AQR: variants seen among roughly 807,000 people sequenced by gnomAD.
The protein encoded by AQR is RNA helicase aquarius.
AQR carries 61 observed loss-of-function variants against 180.5 expected under a neutral mutation model. That is an observed-to-expected ratio of 0.34 (90% CI 0.28 to 0.42). The LOEUF is 0.42. Ranked by LOEUF, AQR falls within the 10% of genes least tolerant of loss-of-function variation. AQR has a pLI of 1.00. For missense variants in AQR, 1,281 were observed against 1,798.3 expected, an observed-to-expected ratio of 0.71 and a Z score of 5.20; for synonymous variants, 551 against 588.8, an observed-to-expected ratio of 0.94 and a Z score of 0.93.
At position 34,895,209 on chromosome 15, in the gene AQR, TATATATATATATGA is replaced by T. The variant is rs1411491999; in HGVS notation, c.2461-1450_2461-1437del. On this transcript the variant is annotated intron_variant, in intron 22 of 34. Coordinates refer to ENST00000156471, the MANE Select transcript of AQR (RefSeq NM_014691.3). ...AAAAATATATATATATATATATATA[TATATATATATATGA>T]AACAAATAAAAACATAATACTCAAA... Among the ~76,000 whole-genome samples the T allele has an allele frequency of 6.4e-3, 474 of 73,674 alleles. 11 individuals carry two copies. The highest frequency in any genetic ancestry group is 0.023 in the African/African-American group (454 of 19,770). The allele number at this position is 73,674 out of a possible 152,430, so 48.3% of individuals were successfully genotyped here. A position where few individuals can be genotyped will look rare whatever the true frequency, so the allele number is the denominator to read the frequency against.
chr15:34,934,027 G>T (rs934302691), intron 10 of AQR, among the ~76,000 whole-genome samples: 1 of 151,980 alleles, frequency 6.6e-6, no homozygotes, highest in Non-Finnish European at 1.5e-5. Context: ...GGTCTGAGGT[G>T]GATCAGGAGG....
chr15:34,890,364 G>T, intron 23 of AQR, 40 bp from the exon 24 acceptor site: 2 of 1,537,804 alleles, frequency 1.3e-6, no homozygotes, highest in African/African-American at 2.8e-5. Context: ...ACCTTTAAAC[G>T]TAGCAAAAAC....
At chr15:34,884,305 C>G (rs1229109421) in intron 26 of AQR, among the ~76,000 whole-genome samples, 1 of 151,894 alleles carries the variant, frequency 6.6e-6, no homozygotes, top group Admixed American at 6.6e-5. Flanking sequence ...TGCTCGGAAG[C>G]TGAGGCAGGA....
In AQR at chr15:34,948,270, T is replaced by C. The variant is rs757193361; in HGVS notation, c.324A>G (p.Ala108=). Residue 108 remains alanine, a synonymous_variant, in exon 5 of 35, where the codon GCA becomes GCG. Transcript: ENST00000156471. Reference sequence around the variant, plus strand: ...AGTACTTTAAATCAGTTACCTCCCATGCAGGCACGTTTTCTCTAAACTTCT... The same window carrying C: ...AGTACTTTAAATCAGTTACCTCCCACGCAGGCACGTTTTCTCTAAACTTCT... ...VNEKFRENVP[A]WEIFKKKPDH... The C allele has an allele frequency of 5.2e-5, 84 of 1,613,588 alleles. No homozygotes were observed. The highest frequency in any genetic ancestry group is 6.9e-5 in the Non-Finnish European group (81 of 1,179,946).
intron 9 of AQR, among the ~76,000 whole-genome samples, chr15:34,935,107 TAGAG>T (rs770500703): frequency 6.6e-6 from 1 of 152,102 alleles, no homozygotes; most frequent in African/African-American, 2.4e-5. Flanking sequence ...CACTGAAAAT[TAGAG>T]AGGTAATTTT....
At chr15:34,920,515 A>T (rs1893667752) in intron 13 of AQR, 81 bp from the exon 14 acceptor site, 1 of 1,044,996 alleles carries the variant, frequency 9.6e-7, no homozygotes, top group Non-Finnish European at 1.4e-6. Flanking sequence ...CAAATAGCTT[A>T]AAAAAGCAAA....
At chr15:34,968,387 G>A (rs1032704967) in intron 1 of AQR, among the ~76,000 whole-genome samples, 6 of 150,614 alleles carry the variant, frequency 4.0e-5, no homozygotes, top group Non-Finnish European at 8.9e-5. Context: ...CGAGTAGCTG[G>A]GACCAAAGGC....
chr15:34,873,460 T>C (rs1892850788), intron 30 of AQR, among the ~76,000 whole-genome samples: 2 of 151,956 alleles, frequency 1.3e-5, no homozygotes, highest in Non-Finnish European at 2.9e-5. Context: ...AATTTATGAG[T>C]TCTATAAATA....
intron 22 of AQR, among the ~76,000 whole-genome samples, chr15:34,894,750 A>G (rs1224373142): frequency 1.3e-5 from 2 of 152,196 alleles, no homozygotes; most frequent in African/African-American, 4.8e-5. Context: ...TATGGGAGTA[A>G]GTATTTGCCA....
chr15:34,957,711 TA>T (rs1161297507), intron 3 of AQR, among the ~76,000 whole-genome samples: 3 of 60,812 alleles, frequency 4.9e-5, no homozygotes, highest in African/African-American at 1.2e-4. Context: ...CAAAAAAACA[TA>T]AAAAAAACAT....
chr15:34,875,883 C>T, intron 28 of AQR, 52 bp downstream of exon 28: 3 of 1,412,602 alleles, frequency 2.1e-6, no homozygotes, highest in Non-Finnish European at 3.0e-6. Flanking sequence ...TGATGCTGTC[C>T]TCAGCATTCT....
At chr15:34,957,719 ACATAAAAATAAT>A (rs1186393434) in intron 3 of AQR, among the ~76,000 whole-genome samples, 1 of 83,266 alleles carries the variant, frequency 1.2e-5, no homozygotes, top group East Asian at 3.5e-4. Context: ...CATAAAAAAA[ACATAAAAATAAT>A]AATAATAATA....
chr15:34,864,206 A>C (rs1250832853), intron 32 of AQR, among the ~76,000 whole-genome samples: 1 of 152,092 alleles, frequency 6.6e-6, no homozygotes, highest in African/African-American at 2.4e-5. Context: ...TCTTAAAATC[A>C]TCTAGTTTCC....
Position 34,863,040 on chromosome 15 carries a change from C to G in AQR, c.3856G>C (p.Asp1286His). 1 of 1,609,282 alleles carries G rather than the reference C, an allele frequency of 6.2e-7. No individual in the cohort carries two copies. Reference protein sequence around the residue: ...VRTRAVGHLRDVRRLVVAMSR... With the variant: ...VRTRAVGHLRHVRRLVVAMSR... ...ATGGCCACTACCAAGCGACGGACAT[C>G]CCTTTGGGAAATAAACAAAATAATT... The change falls in exon 33 of 35, where the codon GAT (aspartate) becomes CAT (histidine). Residue 1286 changes from aspartate (D) to histidine (H), a missense_variant and splice_region_variant. Around this residue, in one of 9 missense-constraint regions of AQR, gnomAD observed 197 missense variants for 320.7 expected, o/e 0.61. Coordinates refer to ENST00000156471, the MANE Select transcript of AQR (RefSeq NM_014691.3).
chr15:34,899,751 C>T (rs1219885595), intron 20 of AQR, among the ~76,000 whole-genome samples: 1 of 151,990 alleles, frequency 6.6e-6, no homozygotes, highest in Non-Finnish European at 1.5e-5. Flanking sequence ...TGTGGGCTAC[C>T]ACCCATAGGT....
At chr15:34,863,098 C>CT (rs113629233) in intron 32 of AQR, 57 bp from the exon 33 acceptor site, 110,348 of 1,039,080 alleles carry the variant, frequency 0.11, 121 homozygotes, top group South Asian at 0.12. Flanking sequence ...ATTTAAGCAG[C>CT]TTTTTTTTTT....
chr15:34,939,631 C>T (rs941027797), intron 8 of AQR, among the ~76,000 whole-genome samples: 4 of 152,114 alleles, frequency 2.6e-5, no homozygotes, highest in South Asian at 4.1e-4. Flanking sequence ...TATCAAGTAT[C>T]GTACAGCTGT....
At chr15:34,922,105 C>T (rs903665242) in intron 13 of AQR, among the ~76,000 whole-genome samples, 3 of 152,200 alleles carry the variant, frequency 2.0e-5, no homozygotes, top group South Asian at 4.1e-4. Flanking sequence ...AGCCACCATG[C>T]CTGGTCTTAG....
chr15:34,880,338 CA>C (rs1356755504), intron 27 of AQR, among the ~76,000 whole-genome samples: 1 of 151,904 alleles, frequency 6.6e-6, no homozygotes, highest in Non-Finnish European at 1.5e-5. Flanking sequence ...ACAGAATGCC[CA>C]AAACACAGAA....
Sources: allele counts gnomAD v4.1 joint callset (sites outside exome capture counted in the v4.1 genomes callset), GRCh38; gene constraint gnomAD v4.1.1; regional missense constraint gnomAD v4.1.1; transcripts MANE v1.5; gene names NCBI Gene and HGNC (gene_info 2026-07-23, HGNC 2026-07-21).